Variants in MACROD2 observed in about 807,000 individuals in gnomAD.
The protein encoded by MACROD2 is mono-ADP ribosylhydrolase 2.
Under a neutral mutation model 70.4 loss-of-function variants are expected in MACROD2, and 36 were observed. That is an observed-to-expected ratio of 0.51 (90% confidence interval 0.39 to 0.68). MACROD2 has a LOEUF of 0.68. Ranked by LOEUF, MACROD2 falls within the 30% of genes least tolerant of loss-of-function variation. The pLI is 0.00. For synonymous variants in MACROD2, 172 were observed against 178.8 expected (o/e 0.96, Z 0.30); for missense variants, 496 against 538.4 (o/e 0.92, Z 0.78).
intron 5 of MACROD2, among the ~76,000 whole-genome samples, chr20:15,166,687 T>A (rs2076386662): frequency 6.6e-6 from 1 of 151,936 alleles, no homozygotes; most frequent in Admixed American, 6.6e-5. Flanking sequence ...AAAGAGAACT[T>A]CTTTAACTAG....
At chr20:14,002,049 T>G (rs948767913) in intron 1 of MACROD2, among the ~76,000 whole-genome samples, 3 of 152,212 alleles carry the variant, frequency 2.0e-5, no homozygotes, top group Non-Finnish European at 2.9e-5. Flanking sequence ...TAAATGAGTT[T>G]ACTTATTTCT....
intron 5 of MACROD2, among the ~76,000 whole-genome samples, chr20:15,057,664 A>G (rs1159180440): frequency 6.6e-6 from 1 of 152,182 alleles, no homozygotes; most frequent in Non-Finnish European, 1.5e-5. Flanking sequence ...AGGCCATGAC[A>G]TCCCACAGTT....
intron 4 of MACROD2, among the ~76,000 whole-genome samples, chr20:14,526,624 T>C (rs1259681064): frequency 1.3e-5 from 2 of 152,248 alleles, no homozygotes; most frequent in Non-Finnish European, 2.9e-5. Flanking sequence ...GTCTATAATA[T>C]TCCTTATCTC....
At chr20:14,802,675 A>G (rs1004667693) in intron 5 of MACROD2, among the ~76,000 whole-genome samples, 8 of 151,980 alleles carry the variant, frequency 5.3e-5, no homozygotes, top group Non-Finnish European at 1.2e-4. Context: ...GTTCCATCTG[A>G]TATCTTCGTA....
Position 15,055,160 on chromosome 20 carries a change from G to A in MACROD2, c.419-174780G>A, listed in dbSNP as rs113319667. 5.6e-4 allele frequency among the ~76,000 whole-genome samples: 85 copies of A among 152,218 alleles called. 1 individual carries two copies. The highest frequency in any genetic ancestry group is 3.4e-3 in the Middle Eastern group (1 of 294). On this transcript the variant is annotated intron_variant, in intron 5 of 17. Transcript: ENST00000684519. The stretch of plus-strand genomic sequence containing the variant: ...AGACAGGGTTTCGCCATGTTGGCCA[G>A]GCTGGTCTTAAACTCCTGACCTCAA...
At chr20:14,376,490 A>G (rs1174175145) in intron 3 of MACROD2, among the ~76,000 whole-genome samples, 1 of 152,152 alleles carries the variant, frequency 6.6e-6, no homozygotes, top group South Asian at 2.1e-4. Context: ...GCTTATGCCT[A>G]TAATCCCAGC....
chr20:15,644,968 C>A (rs1220731716), intron 8 of MACROD2, among the ~76,000 whole-genome samples: 1 of 152,148 alleles, frequency 6.6e-6, no homozygotes, highest in Non-Finnish European at 1.5e-5. Context: ...GGATTACAGG[C>A]GTGAGCTACC....
chr20:14,991,013 C>A (rs1029773642), intron 5 of MACROD2, among the ~76,000 whole-genome samples: 1 of 152,170 alleles, frequency 6.6e-6, no homozygotes, highest in African/African-American at 2.4e-5. Flanking sequence ...GAGACTGTCT[C>A]TTTTTCAACA....
Position 15,290,551 on chromosome 20 carries a change from A to T in MACROD2, c.540+60490A>T, listed in dbSNP as rs192253477. Among the ~76,000 whole-genome samples the T allele has an allele frequency of 3.3e-5, 5 of 152,300 alleles. No homozygotes were observed. The East Asian group carries it at 9.6e-4, about 29-fold the overall frequency. ...CTTTATGAGACACTCAGGATTATGG[A>T]TCCATAATTTGCATTCATTGCAAAC... On this transcript the variant is annotated intron_variant, in intron 6 of 17. Transcript: ENST00000684519.
chr20:15,746,562 TAAAAAAA>T (rs536288457), intron 8 of MACROD2, among the ~76,000 whole-genome samples: 1 of 107,108 alleles, frequency 9.3e-6, no homozygotes, highest in African/African-American at 3.4e-5. Flanking sequence ...TGGTTTCCAG[TAAAAAAA>T]AAAAAAAAAA....
chr20:14,232,091 T>G (rs1406319589), intron 3 of MACROD2, among the ~76,000 whole-genome samples: 2 of 152,276 alleles, frequency 1.3e-5, no homozygotes, highest in East Asian at 3.8e-4. Flanking sequence ...TTCTATAGGT[T>G]GCCTGTTCAC....
chr20:15,861,014 A>C lies in MACROD2; in HGVS notation c.646-1731A>C, dbSNP rs140619695. ...TGTATCATTCCAGTGGAAAGACCCT[A>C]GTTAGAGATTAGTTGGCAGTGTATG... On this transcript the variant is annotated intron_variant, in intron 8 of 17. Transcript: ENST00000684519. 9.3e-3 allele frequency among the ~76,000 whole-genome samples: 1,414 copies of C among 152,274 alleles called. 11 individuals are homozygous for C. The highest frequency in any genetic ancestry group is 0.017 in the African/African-American group (702 of 41,556).
intron 3 of MACROD2, among the ~76,000 whole-genome samples, chr20:14,428,495 G>A (rs2083960297): frequency 6.6e-6 from 1 of 151,990 alleles, no homozygotes; most frequent in African/African-American, 2.4e-5. Context: ...TTTCAGATTA[G>A]GCATATTGGT....
At chr20:14,206,773 A>G (rs2081527564) in intron 3 of MACROD2, among the ~76,000 whole-genome samples, 2 of 152,010 alleles carry the variant, frequency 1.3e-5, no homozygotes, top group Admixed American at 1.3e-4. Flanking sequence ...TTGATTCTTA[A>G]TAGACTAGCA....
At chr20:15,833,462 A>G (rs1568586749) in intron 8 of MACROD2, among the ~76,000 whole-genome samples, 2 of 152,186 alleles carry the variant, frequency 1.3e-5, no homozygotes, top group African/African-American at 4.8e-5. Context: ...AGACACAAAC[A>G]TTCTGATTTA....
intron 5 of MACROD2, among the ~76,000 whole-genome samples, chr20:15,092,479 G>A (rs933760876): frequency 6.7e-6 from 1 of 149,284 alleles, no homozygotes; most frequent in Non-Finnish European, 1.5e-5. Context: ...ATAACAAAAT[G>A]TTATAAATAC....
intron 8 of MACROD2, among the ~76,000 whole-genome samples, chr20:15,608,315 G>A (rs538738846): frequency 2.4e-4 from 37 of 152,324 alleles, no homozygotes; most frequent in Non-Finnish European, 4.3e-4. Flanking sequence ...CTTGGCCACA[G>A]GACATAACTT....
In MACROD2 at chr20:14,830,144, G is replaced by A. The variant is rs147623413; in HGVS notation, c.418+145185G>A. Among the ~76,000 whole-genome samples, 98 of 152,176 alleles carry A rather than the reference G, an allele frequency of 6.4e-4. 2 individuals carry two copies. Among genetic ancestry groups the A allele is most frequent in the African/African-American group, 2.2e-3 (90 of 41,520 alleles). On this transcript the variant is annotated intron_variant, in intron 5 of 17. Transcript: ENST00000684519. ...TTCCTCTTTGCTGTGTAAAATGTATGCTTGGTTGACCAGAATTCAGTGAAA... is the reference window on the plus strand; with the variant it reads ...TTCCTCTTTGCTGTGTAAAATGTATACTTGGTTGACCAGAATTCAGTGAAA...
intron 3 of MACROD2, among the ~76,000 whole-genome samples, chr20:14,135,236 C>T (rs893625827): frequency 6.6e-6 from 1 of 151,892 alleles, no homozygotes; most frequent in Non-Finnish European, 1.5e-5. Context: ...CTGTCATGGA[C>T]ATAGATATAC....
Sources: allele counts gnomAD v4.1 joint callset (sites outside exome capture counted in the v4.1 genomes callset), GRCh38; gene constraint gnomAD v4.1.1; transcripts MANE v1.5; gene names NCBI Gene and HGNC (gene_info 2026-07-23, HGNC 2026-07-21).